The following CDH13 variants were observed in gnomAD, a reference collection of about 807,000 sequenced individuals.
The protein encoded by CDH13 is cadherin 13.
Under a neutral mutation model 63.8 loss-of-function variants are expected in CDH13, and 24 were observed. The observed-to-expected ratio is 0.38, with a 90% CI of 0.27 to 0.53. The LOEUF (loss-of-function observed/expected upper bound fraction) is 0.53. Ranked by LOEUF, CDH13 falls within the 20% of genes least tolerant of loss-of-function variation. CDH13 has a pLI of 0.85. For missense variants in CDH13, 1,049 were observed against 903.1 expected, an observed-to-expected ratio of 1.16 and a Z score of -2.07; for synonymous variants, 503 against 355.3, an observed-to-expected ratio of 1.42 and a Z score of -4.67.
intron 3 of CDH13, among the ~76,000 whole-genome samples, chr16:83,067,271 C>T (rs936039572): frequency 5.9e-5 from 9 of 152,134 alleles, no homozygotes; most frequent in African/African-American, 2.2e-4. Flanking sequence ...GGAGGCTCTG[C>T]ATAGTACAGT....
chr16:83,477,064 C>G (rs1453617689), intron 6 of CDH13, among the ~76,000 whole-genome samples: 3 of 152,122 alleles, frequency 2.0e-5, no homozygotes, highest in African/African-American at 7.2e-5. Flanking sequence ...CATGTGTCAC[C>G]TAATATGTCA....
chr16:83,620,354 G>A (rs1909694817), intron 8 of CDH13, among the ~76,000 whole-genome samples: 1 of 135,330 alleles, frequency 7.4e-6, no homozygotes, highest in African/African-American at 2.8e-5. Context: ...TCGCACCACT[G>A]CACTACAACC....
At chr16:83,551,433 G>A (rs1296730919) in intron 7 of CDH13, among the ~76,000 whole-genome samples, 1 of 152,172 alleles carries the variant, frequency 6.6e-6, no homozygotes, top group Non-Finnish European at 1.5e-5. Context: ...GTCAACAAGT[G>A]TTATTTGGCC....
At chr16:83,549,642 CA>C (rs11302201) in intron 7 of CDH13, among the ~76,000 whole-genome samples, 46,200 of 125,466 alleles carry the variant, frequency 0.37, 7,159 homozygotes, top group Middle Eastern at 0.41. Flanking sequence ...TCTCTACGCT[CA>C]AAAAAAAAAA....
At chr16:83,194,150 A>G (rs944460618) in intron 4 of CDH13, among the ~76,000 whole-genome samples, 2 of 152,192 alleles carry the variant, frequency 1.3e-5, no homozygotes, top group Admixed American at 1.3e-4. Context: ...AAATTATATA[A>G]TAGTGTGACC....
At chr16:83,011,514 C>T (rs1220312285) in intron 2 of CDH13, among the ~76,000 whole-genome samples, 4 of 152,166 alleles carry the variant, frequency 2.6e-5, no homozygotes, top group African/African-American at 9.7e-5. Context: ...ACCCATGTTG[C>T]TTCTGGGTCC....
At chr16:83,352,372 T>G (rs865856275) in intron 6 of CDH13, among the ~76,000 whole-genome samples, 1 of 152,154 alleles carries the variant, frequency 6.6e-6, no homozygotes, top group Admixed American at 6.5e-5. Context: ...TTAGTGGAAA[T>G]GTAAACAAAT....
chr16:82,628,752 CTGTATG>C (rs1907659120), intron 1 of CDH13, among the ~76,000 whole-genome samples: 1 of 152,196 alleles, frequency 6.6e-6, no homozygotes, highest in African/African-American at 2.4e-5. Flanking sequence ...GACCCCAAGG[CTGTATG>C]TGTGTACATA....
In CDH13 at chr16:83,799,857, T is replaced by G. The variant is rs1298258381; in HGVS notation, c.*4827T>G. On this transcript the variant is annotated 3_prime_UTR_variant, in exon 14 of 14. Coordinates refer to ENST00000567109, the MANE Select transcript of CDH13 (RefSeq NM_001257.5). ...TTCTGCAGTTGTGACCGTGTTCACA[T>G]GAAAGCATATACAAGACATGGAGAG... 2 of 152,204 alleles carry G rather than the reference T, an allele frequency of 1.3e-5. No individual in the cohort carries two copies. The highest frequency in any genetic ancestry group is 2.4e-5 in the African/African-American group (1 of 41,452). 9.4% of individuals were successfully genotyped at this position (152,204 alleles called of 1,614,324 possible). A position where few individuals can be genotyped will look rare whatever the true frequency, so the allele number is the denominator to read the frequency against.
At chr16:83,283,204 C>T (rs1192850364) in intron 5 of CDH13, among the ~76,000 whole-genome samples, 2 of 152,144 alleles carry the variant, frequency 1.3e-5, no homozygotes, top group Non-Finnish European at 2.9e-5. Context: ...GTTTGAATTA[C>T]CTGTGGAGTT....
intron 4 of CDH13, among the ~76,000 whole-genome samples, chr16:83,197,595 C>T (rs1470927858): frequency 6.6e-6 from 1 of 152,008 alleles, no homozygotes; most frequent in Non-Finnish European, 1.5e-5. Flanking sequence ...TCAGTGGCTG[C>T]CAGAATGTGT....
intron 6 of CDH13, among the ~76,000 whole-genome samples, chr16:83,455,936 G>A (rs563116918): frequency 2.0e-5 from 3 of 152,238 alleles, no homozygotes; most frequent in African/African-American, 4.8e-5. Context: ...TTCATCAACA[G>A]TGTGGAATAA....
At chr16:83,319,449 T>C (rs981252485) in intron 5 of CDH13, among the ~76,000 whole-genome samples, 4 of 152,200 alleles carry the variant, frequency 2.6e-5, no homozygotes, top group African/African-American at 9.6e-5. Context: ...GGTTTCTTTT[T>C]TGCCAACCTA....
At chr16:83,136,772 G>A (rs568894503) in intron 4 of CDH13, among the ~76,000 whole-genome samples, 1 of 152,344 alleles carries the variant, frequency 6.6e-6, no homozygotes, top group Non-Finnish European at 1.5e-5. Flanking sequence ...CACCAGGGAT[G>A]TTCCGCAGCC....
intron 10 of CDH13, among the ~76,000 whole-genome samples, chr16:83,719,735 A>G (rs974715435): frequency 1.3e-5 from 2 of 152,130 alleles, no homozygotes; most frequent in Admixed American, 6.5e-5. Context: ...ATGTCCTCAG[A>G]TACCATTATA....
chr16:83,544,568 C>G (rs1012007008), intron 7 of CDH13, among the ~76,000 whole-genome samples: 2 of 152,144 alleles, frequency 1.3e-5, no homozygotes, highest in Non-Finnish European at 2.9e-5. Flanking sequence ...GGCATTATGT[C>G]AGATGATTCA....
At chr16:83,424,655 A>C (rs1339257631) in intron 6 of CDH13, among the ~76,000 whole-genome samples, 1 of 152,218 alleles carries the variant, frequency 6.6e-6, no homozygotes, top group African/African-American at 2.4e-5. Context: ...CATTTTCATA[A>C]ATGGTTTTGC....
chr16:83,309,233 A>G (rs1047945617), intron 5 of CDH13, among the ~76,000 whole-genome samples: 14 of 152,184 alleles, frequency 9.2e-5, no homozygotes, highest in Non-Finnish European at 1.3e-4. Flanking sequence ...GATTTTTGCA[A>G]TGACTAAGGT....
At chr16:82,838,977 C>T (rs1597757442) in intron 1 of CDH13, among the ~76,000 whole-genome samples, 1 of 152,230 alleles carries the variant, frequency 6.6e-6, no homozygotes, top group Admixed American at 6.5e-5. Flanking sequence ...CTACACTACT[C>T]TACTCTGCCA....
Sources: allele counts gnomAD v4.1 joint callset (sites outside exome capture counted in the v4.1 genomes callset), GRCh38; gene constraint gnomAD v4.1.1; transcripts MANE v1.5; gene names NCBI Gene and HGNC (gene_info 2026-07-23, HGNC 2026-07-21).